PSG7: variants seen among roughly 807,000 people sequenced by gnomAD.
PSG7 encodes the protein pregnancy-specific beta-1-glycoprotein 7.
Under a neutral mutation model 45.6 loss-of-function variants are expected in PSG7, and 57 were observed. The observed-to-expected ratio is 1.25, with a 90% CI of 1.01 to 1.56. PSG7 has a LOEUF of 1.56. Among genes scored for constraint, PSG7 ranks in the 40% most tolerant of loss-of-function variants. The pLI is 0.00. For missense variants in PSG7, 796 were observed against 508.4 expected (o/e 1.57, Z -5.44); for synonymous variants, 298 against 194.4 (o/e 1.53, Z -4.43).
chr19:42,937,060 G>A lies in PSG7; in HGVS notation c.17C>T (p.Ala6Val), dbSNP rs1446823328. 10 of 1,611,254 alleles carry A rather than the reference G, an allele frequency of 6.2e-6. 1 individual carries two copies. The highest frequency in any genetic ancestry group is 5.4e-5 in the African/African-American group (4 of 74,612). MGPLS[A>V]PPCTQHITWK... Reference sequence around the variant, plus strand: ...GGTTATATGCTGTGTGCAGGGAGGGGCTGAGAGGGGCCCCATGGTCTCTGC... The same window carrying A: ...GGTTATATGCTGTGTGCAGGGAGGGACTGAGAGGGGCCCCATGGTCTCTGC... The change falls in exon 1 of 6, where the codon GCC (alanine) becomes GTC (valine). Residue 6 changes from alanine (A) to valine (V), a missense_variant. Coordinates refer to ENST00000406070, the MANE Select transcript of PSG7 (RefSeq NM_002783.3).
intron 3 of PSG7, chr19:42,929,137 C>A (rs142678382): frequency 9.5e-6 from 5 of 528,668 alleles, no homozygotes; most frequent in Non-Finnish European, 1.3e-5. Context: ...TGAGTCAAGT[C>A]GCAACACTGA....
chr19:42,936,219 T>C (rs1406086438), intron 1 of PSG7: 1 of 171,488 alleles, frequency 5.8e-6, no homozygotes, highest in Non-Finnish European at 1.3e-5. Context: ...GATCTCACAT[T>C]CTAGATCTCT....
rs546351866 is a variant in PSG7 at position 42,933,131 on chromosome 19, C to G, written c.430+2273G>C. On this transcript the variant is annotated intron_variant, in intron 2 of 5. Coordinates refer to ENST00000406070, the MANE Select transcript of PSG7 (RefSeq NM_002783.3). ...GCAGTACTCATTTTTTAGTCCTGTG[C>G]CCCTGAAACTATCCTTGAAAATCTC... is the stretch of plus-strand genomic sequence containing the variant. 3.9e-4 allele frequency among the ~76,000 whole-genome samples: 58 copies of G among 148,104 alleles called. 2 individuals are homozygous for G. The highest frequency in any genetic ancestry group is 2.2e-3 in the East Asian group (11 of 4,940).
chr19:42,930,026 A>T (rs991162823), intron 2 of PSG7, among the ~76,000 whole-genome samples: 8 of 151,598 alleles, frequency 5.3e-5, no homozygotes, highest in African/African-American at 1.9e-4. Flanking sequence ...CTCCATCTCC[A>T]ACTGCCTGCC....
Position 42,926,511 on chromosome 19 carries a change from T to C in PSG7, c.915A>G (p.Thr305=). 6.2e-7 allele frequency: 1 copy of C among 1,611,316 alleles called. No individual in the cohort carries two copies. Among genetic ancestry groups the C allele is most frequent in the Non-Finnish European group, 8.5e-7 (1 of 1,179,018 alleles). Residue 305 remains threonine (T), a synonymous_variant, in exon 4 of 6, where the codon ACA becomes ACG. Transcript: ENST00000406070. ...LILPSVTRNE[T]GPYQCEIRDR... ...CCCGTATTTCACATTGATAGGGTCC[T>C]GTTTCATTTCTCGTGACACTGGGTA...
Position 42,926,544 on chromosome 19 carries a change from G to T in PSG7, c.882C>A (p.Ile294=), listed in dbSNP as rs149267387. 0.013 allele frequency: 20,482 copies of T among 1,610,560 alleles called. 681 individuals carry two copies. The highest frequency in any genetic ancestry group is 0.031 in the Middle Eastern group (151 of 4,908). ...TTCTCGTGACACTGGGTAGAATGAGGATCCTGTTTTCAATGCGTCGCTTTA... is the reference window on the plus strand; with the variant it reads ...TTCTCGTGACACTGGGTAGAATGAGTATCCTGTTTTCAATGCGTCGCTTTA... ...PRVKRRIENR[I]LILPSVTRNE... Residue 294 remains isoleucine (I), a synonymous_variant, in exon 4 of 6, where the codon ATC becomes ATA. Coordinates refer to ENST00000406070, the MANE Select transcript of PSG7 (RefSeq NM_002783.3).
At chr19:42,935,853 C>T in intron 1 of PSG7, 84 bp from the exon 2 acceptor site, 2 of 1,478,154 alleles carry the variant, frequency 1.4e-6, no homozygotes, top group Non-Finnish European at 1.8e-6. Flanking sequence ...GAGAAGGTCT[C>T]TTCAATCCTC....
intron 3 of PSG7, 40 bp from the exon 4 acceptor site, chr19:42,926,756 C>T (rs1407668822): frequency 3.7e-6 from 6 of 1,602,968 alleles, no homozygotes; most frequent in Non-Finnish European, 5.1e-6. Flanking sequence ...TGTGTGGCAC[C>T]TTTGATTCCT....
chr19:42,933,266 AATATATATATATAT>A (rs1161461136), intron 2 of PSG7, among the ~76,000 whole-genome samples: 6 of 15,742 alleles, frequency 3.8e-4, no homozygotes, highest in African/African-American at 1.1e-3. Context: ...TCACCATTTC[AATATATATATATAT>A]ATATATATAT....
chr19:42,932,706 G>C (rs957029996), intron 2 of PSG7, among the ~76,000 whole-genome samples: 2 of 151,456 alleles, frequency 1.3e-5, no homozygotes, highest in African/African-American at 4.9e-5. Flanking sequence ...TAACTTTGAA[G>C]CAAGAATGAT....
chr19:42,932,232 C>T (rs1275800107), intron 2 of PSG7, among the ~76,000 whole-genome samples: 2 of 151,338 alleles, frequency 1.3e-5, no homozygotes, highest in African/African-American at 4.9e-5. Context: ...ACCATGTTAG[C>T]CAGGATGGTC....
intron 2 of PSG7, among the ~76,000 whole-genome samples, chr19:42,932,422 A>G (rs529166577): frequency 2.0e-5 from 3 of 151,532 alleles, no homozygotes; most frequent in Non-Finnish European, 4.4e-5. Flanking sequence ...TGCCTGACAG[A>G]AAGCCAGAAG....
In PSG7 at chr19:42,925,162, C is replaced by T. The variant is rs1972497294; in HGVS notation, c.1244-338G>A. On this transcript the variant is annotated intron_variant, in intron 5 of 5. Coordinates refer to ENST00000406070, the MANE Select transcript of PSG7 (RefSeq NM_002783.3). ...CAAGGCTGACTTCAGAGTTTGCCTGCAGTTCATACTGGTTCATTCTAGCTA... is the reference window on the plus strand; with the variant it reads ...CAAGGCTGACTTCAGAGTTTGCCTGTAGTTCATACTGGTTCATTCTAGCTA... 4 of 399,614 alleles carry T rather than the reference C, an allele frequency of 1.0e-5. 1 individual carries two copies. The South Asian group carries it at 1.4e-4, about 14-fold the overall frequency. The allele number at this position is 399,614 out of a possible 1,614,324, so 24.8% of individuals were successfully genotyped here.
intron 3 of PSG7, among the ~76,000 whole-genome samples, chr19:42,928,445 A>G (rs7257922): frequency 0.16 from 24,153 of 151,460 alleles, 2,499 homozygotes; most frequent in African/African-American, 0.2. Flanking sequence ...TATTGATATC[A>G]TCTTTAATTT....
intron 3 of PSG7, among the ~76,000 whole-genome samples, chr19:42,928,518 C>G (rs1398786989): frequency 6.6e-6 from 1 of 151,350 alleles, no homozygotes; most frequent in African/African-American, 2.4e-5. Context: ...AAACTTATTC[C>G]AAAATATTTT....
rs562535849 is a variant in PSG7 at position 42,936,755 on chromosome 19, C to T, written c.64+258G>A. ...TTCTGCCTCCCGGGTTCATGTGATT[C>T]TCCTGCCTCAGCCTCCTGAGTAGCT... On this transcript the variant is annotated intron_variant, in intron 1 of 5. Coordinates refer to ENST00000406070, the MANE Select transcript of PSG7 (RefSeq NM_002783.3). Among the ~76,000 whole-genome samples the T allele has an allele frequency of 1.3e-3, 200 of 151,468 alleles. 8 individuals carry two copies. The highest frequency in any genetic ancestry group is 4.6e-3 in the African/African-American group (188 of 41,238).
chr19:42,926,374 G>A, intron 4 of PSG7, 64 bp downstream of exon 4: 1 of 1,597,148 alleles, frequency 6.3e-7, no homozygotes, highest in Non-Finnish European at 8.5e-7. Flanking sequence ...CTGGCCTCTG[G>A]TCGTTTGGAG....
chr19:42,936,093 T>C lies in PSG7; in HGVS notation c.65-324A>G, dbSNP rs555580238. On this transcript the variant is annotated intron_variant, in intron 1 of 5. Transcript: ENST00000406070. ...GGCCCCCTCCACACTGCCCTCAGGT[T>C]CTGCTCACATCAGGGCATCCTTAGA... The C allele has an allele frequency of 2.3e-4, 76 of 328,834 alleles. 1 individual carries two copies. The highest frequency in any genetic ancestry group is 7.9e-4 in the African/African-American group (38 of 48,168). 20.4% of individuals were successfully genotyped at this position (328,834 alleles called of 1,614,324 possible).
chr19:42,936,653 C>CT (rs1297017531), intron 1 of PSG7, among the ~76,000 whole-genome samples: 79 of 150,868 alleles, frequency 5.2e-4, no homozygotes, highest in Non-Finnish European at 1.5e-4. Context: ...TTCTTTTTTC[C>CT]TTTTTTTCTT....
Sources: gnomAD v4.1 joint callset for allele counts (sites outside exome capture counted in the v4.1 genomes callset) on GRCh38, gnomAD v4.1.1 for gene constraint, MANE v1.5 for transcripts, NCBI Gene and HGNC (gene_info 2026-07-23, HGNC 2026-07-21) for gene names.